The following ABI3 variants were observed in gnomAD, a reference collection of about 807,000 sequenced individuals.
The protein encoded by ABI3 is ABI gene family member 3.
Under a neutral mutation model 37.0 loss-of-function variants are expected in ABI3, and 24 were observed. The observed-to-expected ratio is 0.65, with a 90% confidence interval of 0.47 to 0.91. ABI3 has a LOEUF of 0.91. Among genes scored for constraint, ABI3 ranks in the 40% least tolerant of loss-of-function variants. The probability of loss-of-function intolerance (pLI) is 0.00; values close to 1 mark genes in which losing one functional copy is unlikely to be tolerated. For missense variants in ABI3, 481 were observed against 485.1 expected (o/e 0.99, Z 0.08); for synonymous variants, 220 against 211.8 (o/e 1.04, Z -0.34).
In ABI3 at chr17:49,220,152, G is replaced by T; in HGVS notation, c.645-17G>T. 1 of 1,611,624 alleles carries T rather than the reference G, an allele frequency of 6.2e-7. No homozygotes were observed. Among genetic ancestry groups the T allele is most frequent in the Non-Finnish European group, 8.5e-7 (1 of 1,179,940 alleles). Reference sequence around the variant, plus strand: ...TTAGGGAAGGCGTGTCCGCCAACCGGGCTCTCTGGTGTTCAGCAGCGCCGA... The same window carrying T: ...TTAGGGAAGGCGTGTCCGCCAACCGTGCTCTCTGGTGTTCAGCAGCGCCGA... On this transcript the variant is annotated splice_polypyrimidine_tract_variant and intron_variant, in intron 5 of 7. Coordinates refer to ENST00000225941, the MANE Select transcript of ABI3 (RefSeq NM_016428.3).
chr17:49,214,414 A>C (rs2043200245), intron 1 of ABI3, among the ~76,000 whole-genome samples: 1 of 152,146 alleles, frequency 6.6e-6, no homozygotes, highest in African/African-American at 2.4e-5. Context: ...GGACCAACAA[A>C]AAAAAATTTC....
In ABI3 at chr17:49,219,787, C is replaced by T; in HGVS notation, c.549-71C>T. ...CCCCCTCGGCCACCTGCCCTTCCTG[C>T]TCGCACCCGACCCCTGCTGGCCAGA... is the stretch of plus-strand genomic sequence containing the variant. On this transcript the variant is annotated intron_variant, in intron 4 of 7. Coordinates refer to ENST00000225941, the MANE Select transcript of ABI3 (RefSeq NM_016428.3). The surrounding 1 kb of genome is among the most constrained non-coding windows in gnomAD (Gnocchi z 4.3). 6.7e-7 allele frequency: 1 copy of T among 1,487,630 alleles called. No individual in the cohort carries two copies. Among genetic ancestry groups the T allele is most frequent in the Non-Finnish European group, 9.1e-7 (1 of 1,101,268 alleles). The allele number at this position is 1,487,630 out of a possible 1,614,324, so 92.2% of individuals were successfully genotyped here. A position where few individuals can be genotyped will look rare whatever the true frequency, so the allele number is the denominator to read the frequency against.
At chr17:49,222,269 C>A (rs1236212899) in intron 7 of ABI3, 44 bp downstream of exon 7, 2 of 1,591,162 alleles carry the variant, frequency 1.3e-6, no homozygotes, top group Non-Finnish European at 8.6e-7. Flanking sequence ...CCCACTTCCT[C>A]TGTTGCCCTG....
In ABI3 at chr17:49,219,420, T is replaced by G; in HGVS notation, c.463-120T>G. The G allele has an allele frequency of 1.2e-6, 1 of 810,800 alleles. No individual in the cohort carries two copies. Among genetic ancestry groups the G allele is most frequent in the African/African-American group, 1.7e-5 (1 of 57,582 alleles). 50.2% of individuals were successfully genotyped at this position (810,800 alleles called of 1,614,324 possible). ...GGGCCTGAGAAGTGGAAGTGGGAACTGGCTATGCCGGGCTCTCCCTCCCGG... is the reference window on the plus strand; with the variant it reads ...GGGCCTGAGAAGTGGAAGTGGGAACGGGCTATGCCGGGCTCTCCCTCCCGG... On this transcript the variant is annotated intron_variant, in intron 3 of 7. Coordinates refer to ENST00000225941, the MANE Select transcript of ABI3 (RefSeq NM_016428.3). This position sits in a 1 kb window ranked among gnomAD's most constrained non-coding sequence, Gnocchi z 4.3.
rs546945041 is a variant in ABI3, at chr17:49,221,117, G to A, written c.802+791G>A. Among the ~76,000 whole-genome samples the A allele has an allele frequency of 2.7e-4, 41 of 150,584 alleles. No individual in the cohort carries two copies. The South Asian group carries it at 7.0e-3, about 26-fold the overall frequency. On this transcript the variant is annotated intron_variant, in intron 6 of 7. Transcript: ENST00000225941. ...GAACCCAGGAGGCAGAGGCTGCAGT[G>A]AGCCGAGATCACCACACTGCACTCC...
chr17:49,213,381 C>T (rs1196337968), intron 1 of ABI3, among the ~76,000 whole-genome samples: 2 of 152,200 alleles, frequency 1.3e-5, no homozygotes, highest in Non-Finnish European at 2.9e-5. Flanking sequence ...CCTGGCCTTT[C>T]TGAGGATCTT....
chr17:49,217,939 T>A, intron 3 of ABI3, 24 bp downstream of exon 3: 1 of 1,491,490 alleles, frequency 6.7e-7, no homozygotes, highest in Non-Finnish European at 8.9e-7. Context: ...CCCTCCTCTT[T>A]CCCTCCAACC....
At chr17:49,214,819 A>G (rs1412650732) in intron 1 of ABI3, among the ~76,000 whole-genome samples, 1 of 152,234 alleles carries the variant, frequency 6.6e-6, no homozygotes, top group East Asian at 1.9e-4. Context: ...CCTAGAATAC[A>G]GTGGGAATGT....
chr17:49,222,816 C>G lies in ABI3; in HGVS notation c.*101C>G, dbSNP rs954970626. On this transcript the variant is annotated 3_prime_UTR_variant, in exon 8 of 8. Transcript: ENST00000225941. The stretch of plus-strand genomic sequence containing the variant: ...TCACAGCTGGACTGGGTCTGCCCAC[C>G]TCTTGGGCTGTGAGCTGTGTTCTGT... The G allele has an allele frequency of 5.3e-6, 7 of 1,315,242 alleles. No individual in the cohort carries two copies. The highest frequency in any genetic ancestry group is 7.2e-6 in the Non-Finnish European group (7 of 967,804). 81.5% of individuals were successfully genotyped at this position (1,315,242 alleles called of 1,614,324 possible).
chr17:49,210,778 T>C lies in ABI3; in HGVS notation c.54T>C (p.Ala18=). 1 of 1,555,752 alleles carries C rather than the reference T, an allele frequency of 6.4e-7. No individual in the cohort carries two copies. The change falls in exon 1 of 8, where the codon GCT becomes GCC. Residue 18 remains alanine, a synonymous_variant. Coordinates refer to ENST00000225941, the MANE Select transcript of ABI3 (RefSeq NM_016428.3). The surrounding 1 kb of genome is among the most constrained non-coding windows in gnomAD (Gnocchi z 4.2). ...QEFEIPTGRE[A]LRGNHSALLR... is the part of the protein sequence containing the mutation. Reference sequence around the variant, plus strand: ...TTGAGATCCCCACTGGCCGGGAGGCTCTGAGGGGCAACCACAGTGCCCTGC... The same window carrying C: ...TTGAGATCCCCACTGGCCGGGAGGCCCTGAGGGGCAACCACAGTGCCCTGC...
intron 1 of ABI3, among the ~76,000 whole-genome samples, chr17:49,211,875 A>G (rs765622650): frequency 7.3e-5 from 11 of 150,860 alleles, no homozygotes; most frequent in Non-Finnish European, 1.2e-4. Context: ...AACTCCTGAC[A>G]CCTCAGGTGA....
rs1030933582 is a variant in ABI3 at position 49,223,153 on chromosome 17, C to T, written c.*438C>T. Reference sequence around the variant, plus strand: ...CATCTTCCCATTTCCTCAGTACCCACAAAGTGCAGCCCACATTGGACCCCA... The same window carrying T: ...CATCTTCCCATTTCCTCAGTACCCATAAAGTGCAGCCCACATTGGACCCCA... On this transcript the variant is annotated 3_prime_UTR_variant, in exon 8 of 8. Transcript: ENST00000225941. 9.7e-6 allele frequency: 4 copies of T among 413,638 alleles called. No individual in the cohort carries two copies. Among genetic ancestry groups the T allele is most frequent in the Middle Eastern group, 6.0e-4 (1 of 1,658 alleles). 25.6% of individuals were successfully genotyped at this position (413,638 alleles called of 1,614,324 possible). A position where few individuals can be genotyped will look rare whatever the true frequency, so the allele number is the denominator to read the frequency against.
chr17:49,218,031 C>T (rs1208975990), intron 3 of ABI3, 116 bp downstream of exon 3: 2 of 1,086,332 alleles, frequency 1.8e-6, no homozygotes, highest in Non-Finnish European at 2.6e-6. Context: ...TCCTTTCTTT[C>T]CCCGCTCCCT....
chr17:49,219,616 CCACCTT>C lies in ABI3; in HGVS notation c.540_545del (p.Thr181_Leu182del), dbSNP rs1242475153. On this transcript the variant is annotated inframe_deletion, in exon 4 of 8. Transcript: ENST00000225941. The surrounding 1 kb of genome is among the most constrained non-coding windows in gnomAD (Gnocchi z 4.3). ...AAGGCCCCTGCCACACCCGCCTCCG[CCACCTT>C]GGGGTGAGGCCTCGCCGCGACGCCA... The C allele has an allele frequency of 3.7e-6, 6 of 1,605,290 alleles. No homozygotes were observed. Among genetic ancestry groups the C allele is most frequent in the Non-Finnish European group, 4.3e-6 (5 of 1,176,304 alleles).
At chr17:49,216,323 T>A (rs1189292655) in intron 1 of ABI3, among the ~76,000 whole-genome samples, 2 of 152,064 alleles carry the variant, frequency 1.3e-5, no homozygotes, top group Non-Finnish European at 2.9e-5. Context: ...AGGCTGCAGA[T>A]TCACTTTTTT....
chr17:49,222,826 G>A lies in ABI3; in HGVS notation c.*111G>A, dbSNP rs547879060. Reference sequence around the variant, plus strand: ...ACTGGGTCTGCCCACCTCTTGGGCTGTGAGCTGTGTTCTGTCCTTCCTCCC... The same window carrying A: ...ACTGGGTCTGCCCACCTCTTGGGCTATGAGCTGTGTTCTGTCCTTCCTCCC... On this transcript the variant is annotated 3_prime_UTR_variant, in exon 8 of 8. Transcript: ENST00000225941. 2.2e-4 allele frequency: 280 copies of A among 1,249,942 alleles called. 1 individual carries two copies. The African/African-American group carries it at 3.6e-3, about 16-fold the overall frequency. The allele number at this position is 1,249,942 out of a possible 1,614,324, so 77.4% of individuals were successfully genotyped here. A position where few individuals can be genotyped will look rare whatever the true frequency, so the allele number is the denominator to read the frequency against.
Position 49,210,913 on chromosome 17 carries a change from GCC to G in ABI3, c.117+74_117+75del. ...GACCCTGAGCCCTGCCCCAAGTGGG[GCC>G]CTGGGACCCATCCTGACAGTGCTTG... On this transcript the variant is annotated intron_variant, in intron 1 of 7. Transcript: ENST00000225941. The surrounding 1 kb of genome is among the most constrained non-coding windows in gnomAD (Gnocchi z 4.2). 5 of 1,280,376 alleles carry G rather than the reference GCC, an allele frequency of 3.9e-6. No homozygotes were observed. Among genetic ancestry groups the G allele is most frequent in the Non-Finnish European group, 5.4e-6 (5 of 918,956 alleles). The allele number at this position is 1,280,376 out of a possible 1,614,324, so 79.3% of individuals were successfully genotyped here.
rs2043272393 is a variant in ABI3, at chr17:49,220,446, G to C, written c.802+120G>C. ...CCTCAGTGAATGCCTCCTCCAAGGA[G>C]CGCAGCACAGGGGCGAAAGGAGACA... On this transcript the variant is annotated intron_variant, in intron 6 of 7. Transcript: ENST00000225941. The C allele has an allele frequency of 1.5e-5, 19 of 1,310,042 alleles. No homozygotes were observed. The South Asian group carries it at 2.1e-4, about 14-fold the overall frequency. The allele number at this position is 1,310,042 out of a possible 1,614,324, so 81.2% of individuals were successfully genotyped here.
intron 6 of ABI3, among the ~76,000 whole-genome samples, chr17:49,221,546 C>T (rs1253567338): frequency 3.9e-5 from 6 of 152,270 alleles, no homozygotes; most frequent in African/African-American, 7.2e-5. Context: ...AAGCCACTGA[C>T]GCTGAGGTTC....
Sources: allele counts gnomAD v4.1 joint callset (sites outside exome capture counted in the v4.1 genomes callset), GRCh38; gene constraint gnomAD v4.1.1; non-coding constraint Gnocchi (gnomAD v3.1); transcripts MANE v1.5; gene names NCBI Gene and HGNC (gene_info 2026-07-23, HGNC 2026-07-21).